Variants in PLD5 observed in about 807,000 individuals in gnomAD.
The protein encoded by PLD5 is phospholipase D family member 5.
In PLD5, 36 loss-of-function variants were observed where a neutral mutation model predicts 61.1. The ratio of observed to expected loss-of-function variants is 0.59; its 90% confidence interval spans 0.45 to 0.78. The LOEUF is 0.78. PLD5 is among the 30% of genes least tolerant of loss of function. The probability of loss-of-function intolerance (pLI) is 0.00; values close to 1 mark genes in which losing one functional copy is unlikely to be tolerated. For synonymous variants in PLD5, 243 were observed against 242.8 expected, an observed-to-expected ratio of 1.00 and a Z score of -0.01; for missense variants, 515 against 644.4, an observed-to-expected ratio of 0.80 and a Z score of 2.17.
intron 5 of PLD5, among the ~76,000 whole-genome samples, chr1:242,197,153 G>A (rs1668683457): frequency 6.6e-6 from 1 of 152,070 alleles, no homozygotes; most frequent in Non-Finnish European, 1.5e-5. Flanking sequence ...AGCCAGCCTG[G>A]GGCAGCTCAG....
chr1:242,306,972 A>G (rs1226958504), intron 2 of PLD5, among the ~76,000 whole-genome samples: 1 of 152,270 alleles, frequency 6.6e-6, no homozygotes, highest in African/African-American at 2.4e-5. Context: ...GATGTGTGTT[A>G]GGCTAAGTCG....
At chr1:242,321,643 A>G (rs1382152700) in intron 2 of PLD5, among the ~76,000 whole-genome samples, 1 of 152,000 alleles carries the variant, frequency 6.6e-6, no homozygotes, top group African/African-American at 2.4e-5. Flanking sequence ...TTTGCCAGCC[A>G]GGCCTCCTCT....
intron 1 of PLD5, among the ~76,000 whole-genome samples, chr1:242,418,572 A>T (rs921724987): frequency 1.3e-5 from 2 of 152,120 alleles, no homozygotes; most frequent in African/African-American, 4.8e-5. Context: ...AAGTCAGGAG[A>T]ATGGGGAGTC....
chr1:242,353,548 A>G (rs573392782), intron 1 of PLD5, among the ~76,000 whole-genome samples: 2 of 152,228 alleles, frequency 1.3e-5, no homozygotes, highest in East Asian at 1.9e-4. Flanking sequence ...TGTGTTCTCT[A>G]TATCTTTGAA....
chr1:242,258,739 C>T lies in PLD5; in HGVS notation c.607+6598G>A, dbSNP rs181288818. Reference sequence around the variant, plus strand: ...TATTCTGGTAAGCTTCAAAAACAAGCTTCTGATTAGAGACAACAGTAATGC... The same window carrying T: ...TATTCTGGTAAGCTTCAAAAACAAGTTTCTGATTAGAGACAACAGTAATGC... On this transcript the variant is annotated intron_variant, in intron 4 of 9. Coordinates refer to ENST00000536534, the MANE Select transcript of PLD5 (RefSeq NM_001372062.1). Among the ~76,000 whole-genome samples, 45 of 152,228 alleles carry T rather than the reference C, an allele frequency of 3.0e-4. No individual in the cohort carries two copies. In the East Asian group the frequency reaches 7.5e-3, roughly 26 times the overall value.
chr1:242,425,175 C>A (rs922482736), intron 1 of PLD5, among the ~76,000 whole-genome samples: 3 of 152,120 alleles, frequency 2.0e-5, no homozygotes, highest in Non-Finnish European at 2.9e-5. Flanking sequence ...GATGGAGATA[C>A]GTTCTGTGAA....
intron 2 of PLD5, among the ~76,000 whole-genome samples, chr1:242,313,328 G>A (rs1410788478): frequency 6.6e-6 from 1 of 152,144 alleles, no homozygotes; most frequent in African/African-American, 2.4e-5. Context: ...GTGCTATTGT[G>A]TATCTCTCAT....
intron 4 of PLD5, among the ~76,000 whole-genome samples, chr1:242,243,839 C>T (rs1243242819): frequency 6.6e-6 from 1 of 152,180 alleles, no homozygotes; most frequent in Non-Finnish European, 1.5e-5. Flanking sequence ...AGAGCTTCTG[C>T]TTTTTAATTG....
chr1:242,404,658 C>CCTCA (rs150037856), intron 1 of PLD5, among the ~76,000 whole-genome samples: 61,630 of 151,048 alleles, frequency 0.41, 13,145 homozygotes, highest in African/African-American at 0.54. Flanking sequence ...CCTTGCCAGC[C>CCTCA]CTCACTCTAG....
chr1:242,344,535 AT>A (rs1164153696), intron 2 of PLD5, among the ~76,000 whole-genome samples: 1 of 152,216 alleles, frequency 6.6e-6, no homozygotes, highest in East Asian at 1.9e-4. Flanking sequence ...GAGAAGAGGA[AT>A]TTCTAGACTC....
chr1:242,414,263 C>T (rs1664708246), intron 1 of PLD5, among the ~76,000 whole-genome samples: 1 of 151,968 alleles, frequency 6.6e-6, no homozygotes, highest in African/African-American at 2.4e-5. Context: ...TAATTGTTTA[C>T]AGGCTGCAGA....
chr1:242,224,865 C>T (rs1670825135), intron 4 of PLD5, among the ~76,000 whole-genome samples: 1 of 152,018 alleles, frequency 6.6e-6, no homozygotes, highest in Admixed American at 6.6e-5. Flanking sequence ...TAAAATTCAC[C>T]CTTTTGAGCA....
chr1:242,117,226 T>C (rs1392843347), intron 6 of PLD5, among the ~76,000 whole-genome samples: 2 of 152,178 alleles, frequency 1.3e-5, no homozygotes, highest in African/African-American at 2.4e-5. Flanking sequence ...TGACCCCAAA[T>C]GCAAGTAATT....
At position 242,494,070 on chromosome 1, in the gene PLD5, ACTCCC is replaced by A. The variant is rs1366428773; in HGVS notation, c.189+30013_189+30017del. ...TATGCTTCATGTTTCCCTTCCCTCC[ACTCCC>A]CTCCCCTGCCCTCCCTTCCCCTCTC... On this transcript the variant is annotated intron_variant, in intron 1 of 9. Transcript: ENST00000536534. Among the ~76,000 whole-genome samples, 26 of 30,180 alleles carry A rather than the reference ACTCCC, an allele frequency of 8.6e-4. 1 individual carries two copies. The highest frequency in any genetic ancestry group is 1.9e-3 in the African/African-American group (18 of 9,320). 19.8% of individuals were successfully genotyped at this position (30,180 alleles called of 152,430 possible). A position where few individuals can be genotyped will look rare whatever the true frequency, so the allele number is the denominator to read the frequency against.
At chr1:242,478,137 G>A (rs988399883) in intron 1 of PLD5, among the ~76,000 whole-genome samples, 2 of 152,184 alleles carry the variant, frequency 1.3e-5, no homozygotes, top group Non-Finnish European at 2.9e-5. Flanking sequence ...TGGGCACACT[G>A]CCAAATGGAA....
At chr1:242,378,688 A>G (rs1409454971) in intron 1 of PLD5, among the ~76,000 whole-genome samples, 2 of 152,042 alleles carry the variant, frequency 1.3e-5, no homozygotes, top group Non-Finnish European at 2.9e-5. Flanking sequence ...AAAAAATACA[A>G]AAATTAGCTG....
intron 1 of PLD5, among the ~76,000 whole-genome samples, chr1:242,487,187 T>G (rs147425860): frequency 0.043 from 6,567 of 151,886 alleles, 223 homozygotes; most frequent in Middle Eastern, 0.062. Context: ...GTTGTGCACA[T>G]GTACCCTAAA....
At chr1:242,419,650 T>C (rs1665033281) in intron 1 of PLD5, among the ~76,000 whole-genome samples, 1 of 149,356 alleles carries the variant, frequency 6.7e-6, no homozygotes, top group Non-Finnish European at 1.5e-5. Context: ...CCTGATCTCA[T>C]GATCTGCCCG....
At chr1:242,297,406 T>A (rs1411547939) in intron 2 of PLD5, among the ~76,000 whole-genome samples, 161 of 1,262 alleles carry the variant, frequency 0.13, 3 homozygotes, top group Admixed American at 0.23. Flanking sequence ...TTCAAGACTT[T>A]TTTTTTTTTT....
Sources: gnomAD v4.1 joint callset for allele counts (sites outside exome capture counted in the v4.1 genomes callset) on GRCh38, gnomAD v4.1.1 for gene constraint, MANE v1.5 for transcripts, NCBI Gene and HGNC (gene_info 2026-07-23, HGNC 2026-07-21) for gene names.